Variants in CADM2 observed in about 807,000 individuals in gnomAD.
The protein encoded by CADM2 is immunoglobulin superfamily member 4D.
CADM2 carries 12 observed loss-of-function variants against 49.8 expected under a neutral mutation model. The ratio of observed to expected loss-of-function variants is 0.24; its 90% CI spans 0.15 to 0.39. CADM2 has a LOEUF of 0.39. Among genes scored for constraint, CADM2 ranks in the 10% least tolerant of loss-of-function variants. CADM2 has a pLI of 1.00. For synonymous variants in CADM2, 214 were observed against 175.4 expected (o/e 1.22, Z -1.74); for missense variants, 378 against 492.3 (o/e 0.77, Z 2.20).
intron 1 of CADM2, among the ~76,000 whole-genome samples, chr3:85,464,122 G>A (rs1397117504): frequency 2.0e-5 from 3 of 151,952 alleles, no homozygotes; most frequent in Admixed American, 1.3e-4. Context: ...AATAATTTTG[G>A]TGAATAATGA....
intron 1 of CADM2, among the ~76,000 whole-genome samples, chr3:85,529,021 A>G (rs1286739682): frequency 3.3e-5 from 5 of 152,212 alleles, no homozygotes; most frequent in African/African-American, 1.2e-4. Flanking sequence ...TTAGTCATGT[A>G]ACAACCCTGT....
chr3:85,700,530 C>G (rs1038472102), intron 1 of CADM2, among the ~76,000 whole-genome samples: 1 of 152,096 alleles, frequency 6.6e-6, no homozygotes, highest in African/African-American at 2.4e-5. Flanking sequence ...TATTTCTTTG[C>G]TCATACATAT....
intron 1 of CADM2, among the ~76,000 whole-genome samples, chr3:85,433,409 T>A (rs2036779935): frequency 6.6e-6 from 1 of 152,010 alleles, no homozygotes; most frequent in Non-Finnish European, 1.5e-5. Flanking sequence ...TAAAATTACT[T>A]TTTTTTCCCC....
At chr3:85,373,659 C>T (rs6762253) in intron 1 of CADM2, among the ~76,000 whole-genome samples, 126,291 of 152,148 alleles carry the variant, frequency 0.83, 55,705 homozygotes, top group Non-Finnish European at 0.96. Flanking sequence ...CACACCTCTG[C>T]CTGGACATCT....
At chr3:85,867,806 A>C (rs1189423318) in intron 3 of CADM2, among the ~76,000 whole-genome samples, 6 of 152,110 alleles carry the variant, frequency 3.9e-5, no homozygotes, top group African/African-American at 1.4e-4. Context: ...TGAATCGGCA[A>C]GTATAAGAAG....
intron 8 of CADM2, among the ~76,000 whole-genome samples, chr3:85,968,240 T>C (rs551425260): frequency 2.0e-5 from 3 of 151,718 alleles, no homozygotes; most frequent in African/African-American, 7.2e-5. Context: ...CTGATGCCTG[T>C]AGGAAAGGTG....
chr3:85,415,063 A>C (rs961919750), intron 1 of CADM2, among the ~76,000 whole-genome samples: 2 of 152,182 alleles, frequency 1.3e-5, no homozygotes, highest in African/African-American at 4.8e-5. Context: ...ATAATTCTAA[A>C]GAAGCTTATT....
At chr3:85,855,937 T>A (rs934742086) in intron 3 of CADM2, among the ~76,000 whole-genome samples, 3 of 152,144 alleles carry the variant, frequency 2.0e-5, no homozygotes, top group Non-Finnish European at 4.4e-5. Context: ...AAAAATATTT[T>A]AATCTTAACT....
chr3:85,125,846 T>A (rs1188006539), intron 1 of CADM2, among the ~76,000 whole-genome samples: 2 of 152,240 alleles, frequency 1.3e-5, no homozygotes, highest in Admixed American at 1.3e-4. Flanking sequence ...GGCATTTGAA[T>A]TAATATTTTA....
intron 1 of CADM2, among the ~76,000 whole-genome samples, chr3:85,179,349 A>G (rs1052319536): frequency 6.6e-6 from 1 of 152,082 alleles, no homozygotes; most frequent in South Asian, 2.1e-4. Flanking sequence ...AAGTGTGTAT[A>G]TGTATAAAGA....
chr3:85,849,603 T>C (rs1359152487), intron 3 of CADM2, among the ~76,000 whole-genome samples: 1 of 152,224 alleles, frequency 6.6e-6, no homozygotes, highest in Non-Finnish European at 1.5e-5. Flanking sequence ...CAGCTTTCTG[T>C]GTTATTTATC....
intron 1 of CADM2, among the ~76,000 whole-genome samples, chr3:85,057,480 C>T (rs2036126842): frequency 6.6e-6 from 1 of 151,976 alleles, no homozygotes; most frequent in African/African-American, 2.4e-5. Flanking sequence ...AGTATACTAA[C>T]ATCATATACT....
intron 1 of CADM2, among the ~76,000 whole-genome samples, chr3:85,373,351 ACATCCAGGT>A (rs2033388730): frequency 6.6e-6 from 1 of 152,276 alleles, no homozygotes; most frequent in South Asian, 2.1e-4. Context: ...TCCATGTCAC[ACATCCAGGT>A]CACACTGATG....
At chr3:85,124,419 A>G (rs1359118086) in intron 1 of CADM2, among the ~76,000 whole-genome samples, 1 of 152,118 alleles carries the variant, frequency 6.6e-6, no homozygotes, top group Non-Finnish European at 1.5e-5. Flanking sequence ...GCGAGACAAC[A>G]TAGTGAGACT....
intron 1 of CADM2, among the ~76,000 whole-genome samples, chr3:85,372,385 A>G (rs6782756): frequency 0.83 from 124,556 of 149,976 alleles, 54,909 homozygotes; most frequent in Non-Finnish European, 0.96. Context: ...GTGTGTGTGT[A>G]TATATAGATA....
intron 1 of CADM2, among the ~76,000 whole-genome samples, chr3:85,478,514 A>G (rs1309206768): frequency 1.3e-5 from 2 of 151,900 alleles, no homozygotes; most frequent in Middle Eastern, 3.2e-3. Flanking sequence ...GAGATTTGGC[A>G]CTTCCTTTCA....
chr3:85,195,281 A>G (rs1433895713), intron 1 of CADM2, among the ~76,000 whole-genome samples: 10 of 152,182 alleles, frequency 6.6e-5, no homozygotes. Flanking sequence ...TTAAAAAACT[A>G]TGTATTGGCT....
chr3:85,119,149 AC>A (rs1363278078), intron 1 of CADM2, among the ~76,000 whole-genome samples: 1 of 152,154 alleles, frequency 6.6e-6, no homozygotes, highest in African/African-American at 2.4e-5. Flanking sequence ...ATGGTGGCTC[AC>A]GCCTGTAATC....
intron 1 of CADM2, among the ~76,000 whole-genome samples, chr3:85,647,242 C>A (rs911047004): frequency 2.6e-5 from 4 of 151,754 alleles, no homozygotes; most frequent in African/African-American, 4.8e-5. Flanking sequence ...ATTTATACCA[C>A]ATAGCCATGG....
Sources: gnomAD v4.1 joint callset for allele counts (sites outside exome capture counted in the v4.1 genomes callset) on GRCh38, gnomAD v4.1.1 for gene constraint, MANE v1.5 for transcripts, NCBI Gene and HGNC (gene_info 2026-07-23, HGNC 2026-07-21) for gene names.